CD44: variants seen among roughly 807,000 people sequenced by gnomAD.
The protein encoded by CD44 is CD44 antigen.
A neutral mutation model predicts 88.8 loss-of-function variants in CD44; 49 were observed. The observed-to-expected ratio is 0.55, with a 90% CI of 0.44 to 0.70. CD44 has a LOEUF of 0.70. CD44 is among the 30% of genes least tolerant of loss of function. The pLI, the probability that CD44 is intolerant of heterozygous loss-of-function variation, is 0.00. For missense variants in CD44, 883 were observed against 913.8 expected (o/e 0.97, Z 0.43); for synonymous variants, 325 against 312.3 (o/e 1.04, Z -0.43).
chr11:35,177,702 C>A (rs1230609544), intron 2 of CD44, among the ~76,000 whole-genome samples: 1 of 152,214 alleles, frequency 6.6e-6, no homozygotes, highest in African/African-American at 2.4e-5. Context: ...GTCATGCACC[C>A]ACATTATGAG....
rs1215273111 is a variant in CD44, at chr11:35,214,840, T to G, written c.1811-12T>G. The stretch of plus-strand genomic sequence containing the variant: ...AACATGCAGTACTGACCTTCCTGAT[T>G]GCTCATTACAGGAGACCAAGACACA... On this transcript the variant is annotated splice_polypyrimidine_tract_variant and intron_variant, in intron 14 of 17. Coordinates refer to ENST00000428726, the MANE Select transcript of CD44 (RefSeq NM_000610.4). The G allele has an allele frequency of 6.6e-7, 1 of 1,505,930 alleles. No individual in the cohort carries two copies. Among genetic ancestry groups the G allele is most frequent in the East Asian group, 2.5e-5 (1 of 40,068 alleles). 93.3% of individuals were successfully genotyped at this position (1,505,930 alleles called of 1,614,324 possible).
intron 7 of CD44, among the ~76,000 whole-genome samples, chr11:35,199,951 T>TG (rs1285746645): frequency 6.7e-6 from 1 of 149,750 alleles, no homozygotes; most frequent in Non-Finnish European, 1.5e-5. Context: ...TTTTTTTTTT[T>TG]TTTTTTTTTT....
chr11:35,140,431 T>A (rs2132927136), intron 1 of CD44, among the ~76,000 whole-genome samples: 1 of 152,358 alleles, frequency 6.6e-6, no homozygotes, highest in Middle Eastern at 3.4e-3. Context: ...CAGTAAATTC[T>A]ACTCAGCAAA....
intron 1 of CD44, among the ~76,000 whole-genome samples, chr11:35,145,270 A>G (rs984386944): frequency 3.9e-5 from 6 of 152,212 alleles, no homozygotes; most frequent in South Asian, 4.1e-4. Flanking sequence ...TTGACCCATA[A>G]CTGTTGAACT....
intron 14 of CD44, among the ~76,000 whole-genome samples, chr11:35,212,065 G>A (rs1028109869): frequency 4.6e-5 from 7 of 152,082 alleles, no homozygotes; most frequent in African/African-American, 1.7e-4. Context: ...AGTGAAGAGA[G>A]GAACGAAGAT....
intron 1 of CD44, among the ~76,000 whole-genome samples, chr11:35,163,157 T>C (rs931186296): frequency 6.6e-6 from 1 of 152,226 alleles, no homozygotes; most frequent in African/African-American, 2.4e-5. Context: ...AATCTTGTTC[T>C]GTTTTAATCC....
At chr11:35,222,326 T>C in intron 17 of CD44, 1 of 903,080 alleles carries the variant, frequency 1.1e-6, no homozygotes, top group Non-Finnish European at 1.6e-6. Flanking sequence ...CTTTTGTTTG[T>C]TGTTTGGTTT....
chr11:35,183,088 G>C (rs1411507284), intron 3 of CD44, among the ~76,000 whole-genome samples: 2 of 152,086 alleles, frequency 1.3e-5, no homozygotes, highest in South Asian at 4.2e-4. Context: ...AGAAGTACAG[G>C]GGGTATGTTC....
In CD44 at chr11:35,229,428, T is replaced by A; in HGVS notation, c.*95T>A. On this transcript the variant is annotated 3_prime_UTR_variant, in exon 18 of 18. Coordinates refer to ENST00000428726, the MANE Select transcript of CD44 (RefSeq NM_000610.4). ...AACAGATGCAATGTGCTACTGATTG[T>A]TTCATTGCGAATCTTTTTTAGCATA... 2.7e-6 allele frequency: 2 copies of A among 728,252 alleles called. No individual in the cohort carries two copies. The highest frequency in any genetic ancestry group is 4.6e-6 in the Non-Finnish European group (2 of 438,826). 45.1% of individuals were successfully genotyped at this position (728,252 alleles called of 1,614,324 possible). A position where few individuals can be genotyped will look rare whatever the true frequency, so the allele number is the denominator to read the frequency against.
At chr11:35,216,849 A>T (rs1948870007) in intron 15 of CD44, among the ~76,000 whole-genome samples, 2 of 152,200 alleles carry the variant, frequency 1.3e-5, no homozygotes, top group Admixed American at 1.3e-4. Flanking sequence ...ACCCAGACCT[A>T]CTGAATCAGG....
intron 3 of CD44, among the ~76,000 whole-genome samples, chr11:35,182,553 A>C (rs909711132): frequency 1.1e-4 from 16 of 152,202 alleles, no homozygotes; most frequent in African/African-American, 3.6e-4. Flanking sequence ...ATACATACTC[A>C]GTTCCCATAC....
intron 17 of CD44, among the ~76,000 whole-genome samples, chr11:35,225,255 G>C (rs957195686): frequency 6.6e-6 from 1 of 152,136 alleles, no homozygotes; most frequent in African/African-American, 2.4e-5. Flanking sequence ...CCTAAATATC[G>C]TTAAGGATTG....
chr11:35,222,411 G>A (rs1421653367), intron 17 of CD44: 1 of 1,296,704 alleles, frequency 7.7e-7, no homozygotes, highest in Non-Finnish European at 1.0e-6. Context: ...GAAGAGCACT[G>A]TTTCATCGTC....
At chr11:35,211,171 G>A in intron 13 of CD44, 75 bp from the exon 14 acceptor site, 1 of 1,101,116 alleles carries the variant, frequency 9.1e-7, no homozygotes, top group South Asian at 1.3e-5. Flanking sequence ...CAGCAATTGT[G>A]TGTTCTGGAG....
At chr11:35,210,713 ATAT>A (rs1235906930) in intron 13 of CD44, 1 of 156,920 alleles carries the variant, frequency 6.4e-6, no homozygotes, top group Non-Finnish European at 1.4e-5. Context: ...CCTCACAATA[ATAT>A]TGTTTTGCCT....
intron 2 of CD44, chr11:35,177,176 A>G: frequency 6.7e-6 from 1 of 148,212 alleles, no homozygotes; most frequent in African/African-American, 2.5e-5. Flanking sequence ...ACTCTCTCTT[A>G]AAAAAAATTT....
In CD44 at chr11:35,217,786, C is replaced by T. The variant is rs1377839130; in HGVS notation, c.1874-1530C>T. Among the ~76,000 whole-genome samples the T allele has an allele frequency of 2.6e-5, 4 of 152,084 alleles. No individual in the cohort carries two copies. The East Asian group carries it at 7.7e-4, about 29-fold the overall frequency. On this transcript the variant is annotated intron_variant, in intron 15 of 17. Transcript: ENST00000428726. ...TCAGCCTTCAGGATTCTACAGTGGGCTTCCATTTGGTAGGAAAAAAAAAGT... is the reference window on the plus strand; with the variant it reads ...TCAGCCTTCAGGATTCTACAGTGGGTTTCCATTTGGTAGGAAAAAAAAAGT...
chr11:35,177,333 C>G (rs527773470), intron 2 of CD44, among the ~76,000 whole-genome samples: 32 of 152,320 alleles, frequency 2.1e-4, no homozygotes, highest in Middle Eastern at 6.8e-3. Context: ...ATAGAGCCTT[C>G]CTCAAACTAT....
intron 12 of CD44, among the ~76,000 whole-genome samples, chr11:35,208,671 C>T (rs1482584074): frequency 6.6e-6 from 1 of 152,120 alleles, no homozygotes; most frequent in African/African-American, 2.4e-5. Context: ...AGAGGCAAGG[C>T]ATGTTATTGA....
Sources: gnomAD v4.1 joint callset for allele counts (sites outside exome capture counted in the v4.1 genomes callset) on GRCh38, gnomAD v4.1.1 for gene constraint, MANE v1.5 for transcripts, NCBI Gene and HGNC (gene_info 2026-07-23, HGNC 2026-07-21) for gene names.